The following APP variants were observed in gnomAD, a reference collection of about 807,000 sequenced individuals.
APP encodes amyloid-beta precursor protein.
A neutral mutation model predicts 101.4 loss-of-function variants in APP; 31 were observed. The ratio of observed to expected loss-of-function variants is 0.31; its 90% CI spans 0.23 to 0.41. The LOEUF (loss-of-function observed/expected upper bound fraction) is 0.41, where lower values mean the gene tolerates loss of function less well. APP is among the 10% of genes least tolerant of loss of function. The pLI is 1.00. For synonymous variants in APP, 366 were observed against 364.4 expected, an observed-to-expected ratio of 1.00 and a Z score of -0.05; for missense variants, 839 against 1,003.7, an observed-to-expected ratio of 0.84 and a Z score of 2.22.
chr21:26,015,344 AAATT>A (rs1400404505), intron 6 of APP, among the ~76,000 whole-genome samples: 1 of 152,212 alleles, frequency 6.6e-6, no homozygotes, highest in Non-Finnish European at 1.5e-5. Flanking sequence ...TGTTTCCTAT[AAATT>A]AATTAATTTA....
intron 5 of APP, among the ~76,000 whole-genome samples, chr21:26,025,651 G>T (rs943279429): frequency 6.6e-6 from 1 of 152,218 alleles, no homozygotes. Context: ...ATTCTGGTAT[G>T]TGTCTAGCCG....
chr21:25,968,695 T>G (rs1351335257), intron 11 of APP, among the ~76,000 whole-genome samples: 2 of 152,142 alleles, frequency 1.3e-5, no homozygotes. Flanking sequence ...ACGTTTAGGT[T>G]TAAAAACTGA....
intron 5 of APP, among the ~76,000 whole-genome samples, chr21:26,025,347 C>A (rs563269685): frequency 1.5e-4 from 23 of 152,234 alleles, no homozygotes; most frequent in African/African-American, 5.1e-4. Flanking sequence ...CACTAACTAG[C>A]GCTGTTTTCC....
chr21:25,884,797 T>C (rs1435216789), intron 17 of APP, among the ~76,000 whole-genome samples: 2 of 152,236 alleles, frequency 1.3e-5, no homozygotes, highest in Admixed American at 6.5e-5. Flanking sequence ...ATTATACTTT[T>C]ATTTCTTCCA....
At chr21:25,909,544 A>G (rs1228998416) in intron 14 of APP, among the ~76,000 whole-genome samples, 1 of 91,188 alleles carries the variant, frequency 1.1e-5, no homozygotes, top group Non-Finnish European at 2.1e-5. Context: ...GCTTTGCTCA[A>G]ATGGACATCC....
intron 11 of APP, among the ~76,000 whole-genome samples, chr21:25,969,347 CAAAA>C (rs60834302): frequency 0.13 from 7,071 of 55,242 alleles, 278 homozygotes; most frequent in African/African-American, 0.23. Context: ...GACTCTGTCT[CAAAA>C]AAAAAAAAAA....
At position 25,900,427 on chromosome 21, in the gene APP, C is replaced by G. The variant is rs373494641; in HGVS notation, c.1964-2754G>C. On this transcript the variant is annotated intron_variant, in intron 15 of 17. Transcript: ENST00000346798. ...AAAAAAAATTAGCCAGGTGTGGTGG[C>G]GGGTGCCTGTAATCCCAGCTACTCC... Among the ~76,000 whole-genome samples the G allele has an allele frequency of 2.1e-5, 3 of 140,774 alleles. No individual in the cohort carries two copies. The Admixed American group carries it at 2.2e-4, about 10-fold the overall frequency. 92.4% of individuals were successfully genotyped at this position (140,774 alleles called of 152,430 possible).
intron 13 of APP, among the ~76,000 whole-genome samples, chr21:25,937,559 T>G (rs1313565337): frequency 6.6e-6 from 1 of 152,178 alleles, no homozygotes; most frequent in African/African-American, 2.4e-5. Context: ...ATAATATCAC[T>G]TTGGATTTGA....
intron 17 of APP, among the ~76,000 whole-genome samples, chr21:25,889,956 C>CT (rs1464275287): frequency 6.6e-6 from 1 of 152,108 alleles, no homozygotes; most frequent in Non-Finnish European, 1.5e-5. Context: ...ATGAAGACAT[C>CT]TTTATTTGCT....
chr21:25,996,282 C>T (rs2043051505), intron 8 of APP, among the ~76,000 whole-genome samples: 1 of 152,122 alleles, frequency 6.6e-6, no homozygotes, highest in Non-Finnish European at 1.5e-5. Context: ...TACCATTATG[C>T]CTTCTGGGAG....
intron 17 of APP, among the ~76,000 whole-genome samples, chr21:25,889,305 T>C (rs568467734): frequency 1.3e-5 from 2 of 152,088 alleles, no homozygotes; most frequent in African/African-American, 4.8e-5. Context: ...CATGTGAAGA[T>C]ACAGGGAGCA....
intron 17 of APP, among the ~76,000 whole-genome samples, chr21:25,883,273 C>T (rs778070087): frequency 3.3e-5 from 5 of 151,930 alleles, no homozygotes; most frequent in Non-Finnish European, 5.9e-5. Flanking sequence ...CGTGGTGGTG[C>T]ACGCCTGTAA....
rs201794320 is a variant in APP at position 25,911,928 on chromosome 21, A to G, written c.1722T>C (p.Asp574=). 86 of 1,614,088 alleles carry G rather than the reference A, an allele frequency of 5.3e-5. No homozygotes were observed. Among genetic ancestry groups the G allele is most frequent in the Non-Finnish European group, 6.9e-5 (81 of 1,180,040 alleles). ...ELLQKEQNYS[D]DVLANMISEP... is the part of the protein sequence containing the mutation. ...CACTAATCATGTTGGCCAAGACGTC[A>G]TCTGAATAGTTTTGCTCTTTCTGAA... The change falls in exon 14 of 18, where the codon GAT becomes GAC. Residue 574 remains aspartate, a synonymous_variant. Coordinates refer to ENST00000346798, the MANE Select transcript of APP (RefSeq NM_000484.4).
chr21:26,091,670 G>A (rs1190608795), intron 2 of APP, among the ~76,000 whole-genome samples: 1 of 152,174 alleles, frequency 6.6e-6, no homozygotes, highest in African/African-American at 2.4e-5. Flanking sequence ...ACCAACAGGT[G>A]GAGGAGCAAA....
At chr21:25,910,578 G>C (rs2039022067) in intron 14 of APP, among the ~76,000 whole-genome samples, 1 of 152,164 alleles carries the variant, frequency 6.6e-6, no homozygotes, top group Non-Finnish European at 1.5e-5. Flanking sequence ...TTCTGAACAT[G>C]TAGAAAAAGA....
intron 13 of APP, among the ~76,000 whole-genome samples, chr21:25,940,127 G>T (rs1350824391): frequency 6.6e-6 from 1 of 152,044 alleles, no homozygotes; most frequent in African/African-American, 2.4e-5. Flanking sequence ...AATCTTAAGG[G>T]TATTGAGCCC....
At chr21:26,137,643 A>C (rs1356138185) in intron 1 of APP, among the ~76,000 whole-genome samples, 3 of 152,212 alleles carry the variant, frequency 2.0e-5, no homozygotes, top group African/African-American at 7.2e-5. Context: ...AAAACTAAGA[A>C]AGGTTTTAGG....
At chr21:26,045,779 G>A (rs751394066) in intron 5 of APP, among the ~76,000 whole-genome samples, 17 of 152,074 alleles carry the variant, frequency 1.1e-4, no homozygotes, top group South Asian at 2.1e-4. Context: ...TCCAATGCAC[G>A]CACACCTGCA....
chr21:26,097,506 G>T (rs2061968874), intron 2 of APP, among the ~76,000 whole-genome samples: 1 of 494 alleles, frequency 2.0e-3, no homozygotes, highest in South Asian at 0.12. Flanking sequence ...GTTGGATTAT[G>T]GGCTTTTGAG....
Sources: allele counts gnomAD v4.1 joint callset (sites outside exome capture counted in the v4.1 genomes callset), GRCh38; gene constraint gnomAD v4.1.1; transcripts MANE v1.5; gene names NCBI Gene and HGNC (gene_info 2026-07-23, HGNC 2026-07-21).